GABRA2: variants seen among roughly 807,000 people sequenced by gnomAD.
GABRA2 encodes the protein gamma-aminobutyric acid receptor subunit alpha-2.
A neutral mutation model predicts 48.7 loss-of-function variants in GABRA2; 16 were observed. The observed-to-expected ratio is 0.33, with a 90% CI of 0.22 to 0.50. GABRA2 has a LOEUF of 0.50. GABRA2 is among the 20% of genes least tolerant of loss of function. The probability of loss-of-function intolerance (pLI) is 0.98; values close to 1 mark genes in which losing one functional copy is unlikely to be tolerated. For missense variants in GABRA2, 275 were observed against 535.6 expected (o/e 0.51, Z 4.80); for synonymous variants, 185 against 184.5 (o/e 1.00, Z -0.02).
At chr4:46,370,857 G>A (rs1714777180) in intron 3 of GABRA2, among the ~76,000 whole-genome samples, 1 of 151,682 alleles carries the variant, frequency 6.6e-6, no homozygotes, top group Non-Finnish European at 1.5e-5. Flanking sequence ...TCTGTTCCAA[G>A]AACCCTATTT....
chr4:46,243,998 C>T lies in GABRA2; in HGVS notation c.*6310G>A, dbSNP rs1019465235. On this transcript the variant is annotated 3_prime_UTR_variant, in exon 10 of 10. Transcript: ENST00000381620. ...TGATGTTCCTTAGTTTGAAGCACAT[C>T]AAAACCTGAATTTGTATCTGCTCAG... is the stretch of plus-strand genomic sequence containing the variant. 9 of 151,494 alleles carry T rather than the reference C, an allele frequency of 5.9e-5. No homozygotes were observed. Among genetic ancestry groups the T allele is most frequent in the Non-Finnish European group, 1.3e-4 (9 of 67,602 alleles). 9.4% of individuals were successfully genotyped at this position (151,494 alleles called of 1,614,324 possible).
At chr4:46,324,042 C>T (rs551558328) in intron 4 of GABRA2, among the ~76,000 whole-genome samples, 1 of 151,908 alleles carries the variant, frequency 6.6e-6, no homozygotes, top group East Asian at 2.0e-4. Context: ...CTCTGTCTCG[C>T]CTCCTCTCTT....
At position 46,259,863 on chromosome 4, in the gene GABRA2, C is replaced by T. The variant is rs1386751491; in HGVS notation, c.1059+2063G>A. ...AATATTAAGATAAAAGTATATTACA[C>T]TGAAATATCTTTTAGGCAGATAGGC... On this transcript the variant is annotated intron_variant, in intron 9 of 9. Coordinates refer to ENST00000381620, the MANE Select transcript of GABRA2 (RefSeq NM_000807.4). 2.6e-5 allele frequency among the ~76,000 whole-genome samples: 4 copies of T among 151,852 alleles called. No individual in the cohort carries two copies. In the East Asian group the frequency reaches 7.8e-4, roughly 30 times the overall value.
At chr4:46,331,618 C>G (rs900637216) in intron 4 of GABRA2, among the ~76,000 whole-genome samples, 17 of 152,238 alleles carry the variant, frequency 1.1e-4, no homozygotes, top group African/African-American at 3.4e-4. Flanking sequence ...AAGTGAAGGA[C>G]TGATTATTAA....
chr4:46,314,936 C>G (rs1728293068), intron 4 of GABRA2, among the ~76,000 whole-genome samples: 1 of 152,036 alleles, frequency 6.6e-6, no homozygotes, highest in African/African-American at 2.4e-5. Context: ...GTGAATAGTG[C>G]TGCAATGAAC....
intron 6 of GABRA2, 105 bp from the exon 7 acceptor site, chr4:46,305,816 A>G: frequency 1.3e-6 from 1 of 766,000 alleles, no homozygotes. Context: ...TACTTTCAAT[A>G]TTAATAGTTA....
At chr4:46,267,357 T>C (rs990878317) in intron 8 of GABRA2, among the ~76,000 whole-genome samples, 2 of 152,086 alleles carry the variant, frequency 1.3e-5, no homozygotes, top group African/African-American at 4.8e-5. Flanking sequence ...ACATCATTAT[T>C]ATATTTTCCT....
intron 4 of GABRA2, among the ~76,000 whole-genome samples, chr4:46,328,272 G>A (rs1730722057): frequency 2.5e-5 from 2 of 78,610 alleles, no homozygotes; most frequent in South Asian, 7.1e-4. Flanking sequence ...AGATAGCAGA[G>A]TGTGTGTGTG....
intron 3 of GABRA2, among the ~76,000 whole-genome samples, chr4:46,371,393 A>G (rs1454446596): frequency 1.3e-5 from 2 of 152,160 alleles, no homozygotes; most frequent in African/African-American, 4.8e-5. Flanking sequence ...TTACCATAAT[A>G]CCAAATTCAG....
chr4:46,295,238 T>C (rs1487444749), intron 8 of GABRA2, among the ~76,000 whole-genome samples: 1 of 152,202 alleles, frequency 6.6e-6, no homozygotes, highest in Admixed American at 6.5e-5. Flanking sequence ...GTGCATCTGG[T>C]TGTGCACTTT....
Position 46,290,097 on chromosome 4 carries a change from T to TTC in GABRA2, c.856+13362_856+13363insGA, listed in dbSNP as rs1354417419. 3.1e-3 allele frequency among the ~76,000 whole-genome samples: 471 copies of TTC among 150,318 alleles called. 1 individual carries two copies. The highest frequency in any genetic ancestry group is 0.021 in the Middle Eastern group (6 of 292). Reference sequence around the variant, plus strand: ...CGGCTCATTTTTTGTATTTTTTTTTTAGTAGAGACGGGGTTTCACCATGGT... The same window carrying TTC: ...CGGCTCATTTTTTGTATTTTTTTTTTTCAGTAGAGACGGGGTTTCACCATGGT... On this transcript the variant is annotated intron_variant, in intron 8 of 9. Coordinates refer to ENST00000381620, the MANE Select transcript of GABRA2 (RefSeq NM_000807.4).
At chr4:46,385,041 C>G (rs932984498) in intron 3 of GABRA2, among the ~76,000 whole-genome samples, 1 of 149,512 alleles carries the variant, frequency 6.7e-6, no homozygotes, top group African/African-American at 2.4e-5. Context: ...CAACTTTTTT[C>G]TTACCCATGG....
rs1316764119 is a variant in GABRA2, at chr4:46,245,352, G to A, written c.*4956C>T. 2.0e-5 allele frequency among the ~76,000 whole-genome samples: 3 copies of A among 151,116 alleles called. No homozygotes were observed. The highest frequency in any genetic ancestry group is 7.3e-5 in the African/African-American group (3 of 41,314). On this transcript the variant is annotated 3_prime_UTR_variant, in exon 10 of 10. Transcript: ENST00000381620. ...TTTAGAAGAGCTTACACAAGCCTCC[G>A]TTGAGAAACCTGGCATTCAAAGATG...
chr4:46,258,422 T>C (rs763911846), intron 9 of GABRA2, among the ~76,000 whole-genome samples: 2 of 151,804 alleles, frequency 1.3e-5, no homozygotes, highest in Non-Finnish European at 2.9e-5. Flanking sequence ...TCCTGAGGAA[T>C]TGATATTTGT....
chr4:46,260,945 G>C (rs546972669), intron 9 of GABRA2: 2 of 151,836 alleles, frequency 1.3e-5, no homozygotes, highest in East Asian at 3.9e-4. Flanking sequence ...CATGGTCATA[G>C]AAATGAAAAA....
At chr4:46,321,758 T>C (rs145510789) in intron 4 of GABRA2, among the ~76,000 whole-genome samples, 4 of 152,130 alleles carry the variant, frequency 2.6e-5, no homozygotes, top group African/African-American at 9.6e-5. Flanking sequence ...CCAAGGAAGA[T>C]AGTCTGGCAT....
intron 6 of GABRA2, 36 bp downstream of exon 6, chr4:46,310,136 AT>A (rs1445687184): frequency 2.7e-6 from 4 of 1,506,608 alleles, no homozygotes; most frequent in Non-Finnish European, 1.8e-6. Context: ...CCCTGATATT[AT>A]TGACCCAAAA....
At chr4:46,368,850 C>G in intron 3 of GABRA2, 1 of 479,220 alleles carries the variant, frequency 2.1e-6, no homozygotes, top group Non-Finnish European at 3.8e-6. Context: ...AAACTCAACC[C>G]CCTTCATACA....
At chr4:46,297,251 C>T (rs1450375221) in intron 8 of GABRA2, among the ~76,000 whole-genome samples, 1 of 151,754 alleles carries the variant, frequency 6.6e-6, no homozygotes, top group Non-Finnish European at 1.5e-5. Context: ...AATCAGCTGC[C>T]AGTGCAGCCA....
Sources: gnomAD v4.1 joint callset for allele counts (sites outside exome capture counted in the v4.1 genomes callset) on GRCh38, gnomAD v4.1.1 for gene constraint, MANE v1.5 for transcripts, NCBI Gene and HGNC (gene_info 2026-07-23, HGNC 2026-07-21) for gene names.